The following DNM3 variants were observed in gnomAD, a reference collection of about 807,000 sequenced individuals.
DNM3 encodes dynamin-3.
In DNM3, 47 loss-of-function variants were observed where a neutral mutation model predicts 101.6. The observed-to-expected ratio is 0.46, with a 90% confidence interval of 0.37 to 0.59. DNM3 has a LOEUF of 0.59. Ranked by LOEUF, DNM3 falls within the 20% of genes least tolerant of loss-of-function variation. The pLI, the probability that DNM3 is intolerant of heterozygous loss-of-function variation, is 0.00. For synonymous variants in DNM3, 385 were observed against 387.9 expected, an observed-to-expected ratio of 0.99 and a Z score of 0.09; for missense variants, 849 against 1,085.7, an observed-to-expected ratio of 0.78 and a Z score of 3.06.
chr1:172,382,541 G>A (rs1218413062), intron 18 of DNM3, among the ~76,000 whole-genome samples: 15 of 152,152 alleles, frequency 9.9e-5, no homozygotes, highest in Admixed American at 2.6e-4. Flanking sequence ...GGGTGGCAGA[G>A]TTAAGACTGA....
At chr1:172,293,363 G>A (rs1310354505) in intron 15 of DNM3, among the ~76,000 whole-genome samples, 3 of 152,114 alleles carry the variant, frequency 2.0e-5, no homozygotes, top group Non-Finnish European at 4.4e-5. Context: ...TTAGTGTAAC[G>A]CTTAAAAGCC....
intron 13 of DNM3, among the ~76,000 whole-genome samples, chr1:172,102,451 A>G (rs1425534658): frequency 1.3e-5 from 2 of 152,206 alleles, no homozygotes; most frequent in African/African-American, 4.8e-5. Context: ...TATTTGGAAT[A>G]GTATTTAATG....
Position 171,978,367 on chromosome 1 carries a change from G to A in DNM3, c.236-9289G>A, listed in dbSNP as rs146437752. On this transcript the variant is annotated intron_variant, in intron 2 of 20. Transcript: ENST00000627582. Reference sequence around the variant, plus strand: ...GAAATGACAGGAAGGAGCCACACATGCAGAGATCAGAGGGACAAACATTCC... The same window carrying A: ...GAAATGACAGGAAGGAGCCACACATACAGAGATCAGAGGGACAAACATTCC... Among the ~76,000 whole-genome samples, 270 of 152,334 alleles carry A rather than the reference G, an allele frequency of 1.8e-3. 1 individual carries two copies. Among genetic ancestry groups the A allele is most frequent in the Middle Eastern group, 6.8e-3 (2 of 294 alleles).
At chr1:172,123,347 G>A (rs970224320) in intron 13 of DNM3, among the ~76,000 whole-genome samples, 2 of 152,034 alleles carry the variant, frequency 1.3e-5, no homozygotes, top group African/African-American at 2.4e-5. Flanking sequence ...CATCAGATGT[G>A]AAAATCTATT....
intron 20 of DNM3, among the ~76,000 whole-genome samples, chr1:172,405,435 CAGA>C (rs1381645824): frequency 1.3e-5 from 2 of 151,834 alleles, no homozygotes; most frequent in Non-Finnish European, 2.9e-5. Flanking sequence ...TGGGATGGTC[CAGA>C]AGGACTGAGG....
chr1:171,919,617 CAAACA>C, intron 1 of DNM3, among the ~76,000 whole-genome samples: 1 of 152,086 alleles, frequency 6.6e-6, no homozygotes, highest in African/African-American at 2.4e-5. Flanking sequence ...AAAAATAAAA[CAAACA>C]AAACAAAGTA....
intron 4 of DNM3, among the ~76,000 whole-genome samples, chr1:171,993,498 C>CTTTTTTTTTTTTTTTTTTTTTTTTTTT (rs145178902): frequency 3.9e-5 from 5 of 128,694 alleles, no homozygotes; most frequent in South Asian, 2.4e-4. Context: ...TTTCAAGATT[C>CTTTTTTTTTTTTTTTTTTTTTTTTTTT]TTTTTTTTTT....
chr1:172,204,763 A>C (rs1316377033), intron 14 of DNM3, among the ~76,000 whole-genome samples: 2 of 152,086 alleles, frequency 1.3e-5, no homozygotes, highest in African/African-American at 4.8e-5. Context: ...GGCTCAGACC[A>C]CATGCTTACC....
intron 15 of DNM3, among the ~76,000 whole-genome samples, chr1:172,306,540 A>G (rs1353002063): frequency 6.6e-6 from 1 of 152,228 alleles, no homozygotes; most frequent in Non-Finnish European, 1.5e-5. Flanking sequence ...TTTAAAGTTC[A>G]TATGGAACCA....
At chr1:171,905,704 ACTT>A (rs1299680390) in intron 1 of DNM3, among the ~76,000 whole-genome samples, 4 of 152,228 alleles carry the variant, frequency 2.6e-5, no homozygotes, top group Non-Finnish European at 5.9e-5. Flanking sequence ...AAAGGAGACA[ACTT>A]CTCAATAGAC....
At chr1:172,349,827 T>C (rs1034762812) in intron 17 of DNM3, among the ~76,000 whole-genome samples, 2 of 152,148 alleles carry the variant, frequency 1.3e-5, no homozygotes, top group East Asian at 3.9e-4. Context: ...AATTAAGTCA[T>C]TATATGGTTG....
At chr1:172,012,688 A>T (rs1233618549) in intron 4 of DNM3, among the ~76,000 whole-genome samples, 2 of 151,866 alleles carry the variant, frequency 1.3e-5, no homozygotes, top group Non-Finnish European at 2.9e-5. Context: ...AAATCTTCCA[A>T]GTACTTTGCT....
chr1:171,911,498 G>A (rs545127478), intron 1 of DNM3, among the ~76,000 whole-genome samples: 1 of 152,202 alleles, frequency 6.6e-6, no homozygotes, highest in South Asian at 2.1e-4. Context: ...GGCCAAGCTG[G>A]TCTCGAACTC....
chr1:172,308,570 A>G (rs868818415), intron 15 of DNM3, among the ~76,000 whole-genome samples, 158 bp from the exon 16 acceptor site: 3 of 152,204 alleles, frequency 2.0e-5, no homozygotes, highest in Middle Eastern at 3.2e-3. Context: ...GAAATTCACT[A>G]ATTATTTTAA....
chr1:172,261,155 T>C (rs994599295), intron 15 of DNM3, among the ~76,000 whole-genome samples: 1 of 152,208 alleles, frequency 6.6e-6, no homozygotes, highest in Non-Finnish European at 1.5e-5. Context: ...ATAATTATTG[T>C]GTTCCTTTCA....
chr1:171,927,547 A>G (rs1234497913), intron 2 of DNM3, among the ~76,000 whole-genome samples: 1 of 152,240 alleles, frequency 6.6e-6, no homozygotes, highest in Non-Finnish European at 1.5e-5. Flanking sequence ...TATAGCCTCC[A>G]TAAAGACACA....
intron 13 of DNM3, among the ~76,000 whole-genome samples, chr1:172,119,940 T>C (rs1322343662): frequency 6.6e-6 from 1 of 152,180 alleles, no homozygotes; most frequent in Non-Finnish European, 1.5e-5. Flanking sequence ...CTTCTCCATA[T>C]GTTCATTTCT....
chr1:172,191,897 C>G (rs1056986966), intron 14 of DNM3, among the ~76,000 whole-genome samples: 1 of 152,172 alleles, frequency 6.6e-6, no homozygotes, highest in African/African-American at 2.4e-5. Flanking sequence ...AGTTGCTTAT[C>G]AGCTTAAGGA....
intron 14 of DNM3, among the ~76,000 whole-genome samples, chr1:172,239,414 ACG>A (rs2061660948): frequency 6.6e-6 from 1 of 152,164 alleles, no homozygotes; most frequent in Non-Finnish European, 1.5e-5. Context: ...CCCTGAATAC[ACG>A]GTCATCTGCA....
Sources: allele counts gnomAD v4.1 joint callset (sites outside exome capture counted in the v4.1 genomes callset), GRCh38; gene constraint gnomAD v4.1.1; transcripts MANE v1.5; gene names NCBI Gene and HGNC (gene_info 2026-07-23, HGNC 2026-07-21).